The following ARRDC4 variants were observed in gnomAD, a reference collection of about 807,000 sequenced individuals.
ARRDC4 encodes the protein arrestin domain-containing protein 4.
Under a neutral mutation model 44.6 loss-of-function variants are expected in ARRDC4, and 40 were observed. That is an observed-to-expected ratio of 0.90 (90% CI 0.70 to 1.17). The LOEUF is 1.17. Ranked by LOEUF, ARRDC4 falls within the 50% of genes most tolerant of loss-of-function variation. The pLI, the probability that ARRDC4 is intolerant of heterozygous loss-of-function variation, is 0.00. For synonymous variants in ARRDC4, 211 were observed against 221.2 expected (o/e 0.95, Z 0.41); for missense variants, 550 against 559.1 (o/e 0.98, Z 0.16).
chr15:97,960,732 T>A lies in ARRDC4; in HGVS notation c.-130T>A. 1.2e-6 allele frequency: 1 copy of A among 806,622 alleles called. No homozygotes were observed. The highest frequency in any genetic ancestry group is 5.4e-5 in the South Asian group (1 of 18,478). 50.0% of individuals were successfully genotyped at this position (806,622 alleles called of 1,614,324 possible). A position where few individuals can be genotyped will look rare whatever the true frequency, so the allele number is the denominator to read the frequency against. ...GGCCTCTCGGCGAGCCGGTGCCCCA[T>A]CGGGTACCGCACGGCTGCCGCGGCG... On this transcript the variant is annotated 5_prime_UTR_variant, in exon 1 of 8. Coordinates refer to ENST00000268042, the MANE Select transcript of ARRDC4 (RefSeq NM_183376.3).
rs2141536686 is a variant in ARRDC4, at chr15:97,970,182, C to T, written c.1045+137C>T. On this transcript the variant is annotated intron_variant, in intron 6 of 7. Transcript: ENST00000268042. This position sits in a 1 kb window ranked among gnomAD's most constrained non-coding sequence, Gnocchi z 4.2. ...ATCTTTATTCCTACTACTAAAAAAT[C>T]AGAAAGCATTAGTCCTGGGAGGGAC... 1 of 1,014,628 alleles carries T rather than the reference C, an allele frequency of 9.9e-7. No individual in the cohort carries two copies. Among genetic ancestry groups the T allele is most frequent in the Non-Finnish European group, 1.3e-6 (1 of 741,454 alleles). The allele number at this position is 1,014,628 out of a possible 1,614,324, so 62.9% of individuals were successfully genotyped here.
chr15:97,971,012 C>G, intron 7 of ARRDC4, 119 bp from the exon 8 acceptor site: 1 of 1,167,598 alleles, frequency 8.6e-7, no homozygotes, highest in Non-Finnish European at 1.3e-6. Context: ...TAAGCACCTT[C>G]TGGGACTTAC....
At chr15:97,962,621 TCA>T (rs944244932) in intron 1 of ARRDC4, among the ~76,000 whole-genome samples, 3 of 152,210 alleles carry the variant, frequency 2.0e-5, no homozygotes, top group Non-Finnish European at 4.4e-5. Flanking sequence ...TGTTTATTCG[TCA>T]CACACACACA....
rs1899538419 is a variant in ARRDC4 at position 97,972,846 on chromosome 15, A to G, written c.*1659A>G. ...AGGGAATTTTCTACACACATTAGGC[A>G]AATGTATGCTTTTCATCCTCTGGGC... On this transcript the variant is annotated 3_prime_UTR_variant, in exon 8 of 8. Transcript: ENST00000268042. This position sits in a 1 kb window ranked among gnomAD's most constrained non-coding sequence, Gnocchi z 5.3. 2 of 152,620 alleles carry G rather than the reference A, an allele frequency of 1.3e-5. No homozygotes were observed. The highest frequency in any genetic ancestry group is 4.8e-5 in the African/African-American group (2 of 41,464). 9.5% of individuals were successfully genotyped at this position (152,620 alleles called of 1,614,324 possible). A position where few individuals can be genotyped will look rare whatever the true frequency, so the allele number is the denominator to read the frequency against.
chr15:97,965,984 G>C lies in ARRDC4; in HGVS notation c.464G>C (p.Ser155Thr). The stretch of plus-strand genomic sequence containing the variant: ...GAACGACCCAAGGTACCTGATCAGA[G>C]TGTAAAGCGGGAACTCCAGGTTGTT... ...VLERPKVPDQ[S>T]VKRELQVVSH... The change falls in exon 3 of 8, where the codon AGT (serine) becomes ACT (threonine). Residue 155 changes from serine to threonine, a missense_variant. Physicochemically the swap from Ser to Thr is moderately conservative, Grantham distance 58 (BLOSUM62 1). Coordinates refer to ENST00000268042, the MANE Select transcript of ARRDC4 (RefSeq NM_183376.3). The surrounding 1 kb of genome is among the most constrained non-coding windows in gnomAD (Gnocchi z 5.1). 6.2e-7 allele frequency: 1 copy of C among 1,614,104 alleles called. No individual in the cohort carries two copies. Among genetic ancestry groups the C allele is most frequent in the East Asian group, 2.2e-5 (1 of 44,892 alleles).
chr15:97,969,042 T>A, intron 4 of ARRDC4, 81 bp from the exon 5 acceptor site: 1 of 1,395,662 alleles, frequency 7.2e-7, no homozygotes, highest in East Asian at 2.3e-5. Context: ...TTGGAACATT[T>A]CAGCTATACG....
intron 1 of ARRDC4, among the ~76,000 whole-genome samples, chr15:97,964,275 ATTTC>A (rs1276987866): frequency 6.6e-6 from 1 of 152,052 alleles, no homozygotes; most frequent in African/African-American, 2.4e-5. Flanking sequence ...TTCACTACTG[ATTTC>A]TTTAAATTTT....
Position 97,971,395 on chromosome 15 carries a change from C to G in ARRDC4, c.*208C>G. 1 of 541,078 alleles carries G rather than the reference C, an allele frequency of 1.8e-6. No individual in the cohort carries two copies. The highest frequency in any genetic ancestry group is 2.1e-5 in the South Asian group (1 of 47,604). 33.5% of individuals were successfully genotyped at this position (541,078 alleles called of 1,614,324 possible). ...TTATATGATGGTCGTATATATATCCCTGTTAAAAACTGGGATGAAGATGTG... is the reference window on the plus strand; with the variant it reads ...TTATATGATGGTCGTATATATATCCGTGTTAAAAACTGGGATGAAGATGTG... On this transcript the variant is annotated 3_prime_UTR_variant, in exon 8 of 8. Coordinates refer to ENST00000268042, the MANE Select transcript of ARRDC4 (RefSeq NM_183376.3).
chr15:97,967,430 A>G lies in ARRDC4; in HGVS notation c.523-584A>G, dbSNP rs537971489. ...AATACTGCAGTGAGAGGGTATGTTT[A>G]ATAAGCTTTTCAGATCGGTTAACAC... On this transcript the variant is annotated intron_variant, in intron 3 of 7. Transcript: ENST00000268042. The surrounding 1 kb of genome is among the most constrained non-coding windows in gnomAD (Gnocchi z 5.0). 1.2e-4 allele frequency among the ~76,000 whole-genome samples: 18 copies of G among 152,182 alleles called. No homozygotes were observed. In the East Asian group the frequency reaches 3.1e-3, roughly 26 times the overall value.
rs200108685 is a variant in ARRDC4, at chr15:97,960,999, G to C, written c.138G>C (p.Ala46=). 1.4e-6 allele frequency: 2 copies of C among 1,449,338 alleles called. No individual in the cohort carries two copies. Among genetic ancestry groups the C allele is most frequent in the Non-Finnish European group, 1.8e-6 (2 of 1,100,262 alleles). 89.8% of individuals were successfully genotyped at this position (1,449,338 alleles called of 1,614,324 possible). The change falls in exon 1 of 8, where the codon GCG becomes GCC. Residue 46 remains alanine, a synonymous_variant. Coordinates refer to ENST00000268042, the MANE Select transcript of ARRDC4 (RefSeq NM_183376.3). The part of the protein sequence containing the change: ...ETVAGHVLLE[A]SEPVALRALR... The stretch of plus-strand genomic sequence containing the variant: ...TGGCCGGGCACGTGCTGCTGGAGGC[G>C]TCCGAGCCGGTGGCCCTGCGCGCGC...
rs1596305083 is a variant in ARRDC4, at chr15:97,965,735, A to G, written c.374+69A>G. ...ATGTCCATTCAAGTTTATCACTGCT[A>G]GGTCTCTTCTGATTCTCAAGTATGC... On this transcript the variant is annotated intron_variant, in intron 2 of 7. Transcript: ENST00000268042. This position sits in a 1 kb window ranked among gnomAD's most constrained non-coding sequence, Gnocchi z 5.1. 1 of 1,505,536 alleles carries G rather than the reference A, an allele frequency of 6.6e-7. No individual in the cohort carries two copies. Among genetic ancestry groups the G allele is most frequent in the Non-Finnish European group, 9.2e-7 (1 of 1,081,842 alleles). 93.3% of individuals were successfully genotyped at this position (1,505,536 alleles called of 1,614,324 possible). A position where few individuals can be genotyped will look rare whatever the true frequency, so the allele number is the denominator to read the frequency against.
chr15:97,967,583 T>C lies in ARRDC4; in HGVS notation c.523-431T>C, dbSNP rs1344993247. The stretch of plus-strand genomic sequence containing the variant: ...AAGGCTGTTTGTTTATTCCACTTTA[T>C]TAAATGCCAAAATAAATATAATGTT... On this transcript the variant is annotated intron_variant, in intron 3 of 7. Transcript: ENST00000268042. The surrounding 1 kb of genome is among the most constrained non-coding windows in gnomAD (Gnocchi z 5.0). Among the ~76,000 whole-genome samples the C allele has an allele frequency of 1.3e-5, 2 of 152,194 alleles. No homozygotes were observed. The highest frequency in any genetic ancestry group is 2.9e-5 in the Non-Finnish European group (2 of 68,030).
intron 5 of ARRDC4, 21 bp from the exon 6 acceptor site, chr15:97,969,856 CTTTTTT>C: frequency 1.0e-5 from 14 of 1,352,594 alleles, no homozygotes; most frequent in South Asian, 4.7e-5. Context: ...GTTCCTTTCT[CTTTTTT>C]TTTTTTTTTT....
In ARRDC4 at chr15:97,971,203, C is replaced by G; in HGVS notation, c.*16C>G. 6.2e-7 allele frequency: 1 copy of G among 1,608,842 alleles called. No homozygotes were observed. On this transcript the variant is annotated 3_prime_UTR_variant, in exon 8 of 8. Transcript: ENST00000268042. ...CATTCTCTGAACGTATTTCAGAAAT[C>G]ACTGTGTTCATCATCAAATTAGAAT...
chr15:97,962,120 ACCTC>A (rs1899334234), intron 1 of ARRDC4, among the ~76,000 whole-genome samples: 1 of 152,116 alleles, frequency 6.6e-6, no homozygotes, highest in Non-Finnish European at 1.5e-5. Flanking sequence ...AATGGTATGC[ACCTC>A]CTCTCCTTGA....
In ARRDC4 at chr15:97,969,913, T is replaced by C. The variant is rs1300244307; in HGVS notation, c.913T>C (p.Leu305=). 4.4e-6 allele frequency: 7 copies of C among 1,606,940 alleles called. No homozygotes were observed. Among genetic ancestry groups the C allele is most frequent in the Non-Finnish European group, 5.1e-6 (6 of 1,175,914 alleles). Residue 305 remains leucine (L), a synonymous_variant, in exon 6 of 8, where the codon TTG becomes CTG. Transcript: ENST00000268042. ...CATTCACATTCCTGGTGCTAAAAAA[T>C]TGATGCTCGAACTGCCATTAGTGAT... ...VYIHIPGAKK[L]MLELPLVIGT...
chr15:97,964,345 C>A (rs1340585802), intron 1 of ARRDC4, among the ~76,000 whole-genome samples: 1 of 151,850 alleles, frequency 6.6e-6, no homozygotes, highest in African/African-American at 2.4e-5. Flanking sequence ...GATGACCAGG[C>A]AAATCTCAGA....
rs1428074567 is a variant in ARRDC4 at position 97,960,883 on chromosome 15, G to A, written c.22G>A (p.Ala8Thr). The change falls in exon 1 of 8, where the codon GCG (alanine) becomes ACG (threonine). Residue 8 changes from alanine (A) to threonine (T), a missense_variant. Coordinates refer to ENST00000268042, the MANE Select transcript of ARRDC4 (RefSeq NM_183376.3). ...CGGGATGGGCGGGGAGGCTGGGTGC[G>A]CGGCGGCCGTGGGTGCCGAGGGCCG... MGGEAGC[A>T]AAVGAEGRVK... 4 of 1,390,964 alleles carry A rather than the reference G, an allele frequency of 2.9e-6. No individual in the cohort carries two copies. The highest frequency in any genetic ancestry group is 3.8e-6 in the Non-Finnish European group (4 of 1,063,632). 86.2% of individuals were successfully genotyped at this position (1,390,964 alleles called of 1,614,324 possible).
intron 1 of ARRDC4, among the ~76,000 whole-genome samples, chr15:97,961,764 T>C (rs1899326372): frequency 6.6e-6 from 1 of 152,142 alleles, no homozygotes; most frequent in Non-Finnish European, 1.5e-5. Context: ...ACTGCTGCTG[T>C]TTCCTCCGCA....
Sources: gnomAD v4.1 joint callset for allele counts (sites outside exome capture counted in the v4.1 genomes callset) on GRCh38, gnomAD v4.1.1 for gene constraint, Gnocchi (gnomAD v3.1) non-coding constraint, MANE v1.5 for transcripts, NCBI Gene and HGNC (gene_info 2026-07-23, HGNC 2026-07-21) for gene names.